Variants in FILIP1L observed in about 807,000 individuals in gnomAD.
FILIP1L encodes the protein filamin A interacting protein 1 like.
In FILIP1L, 55 loss-of-function variants were observed where a neutral mutation model predicts 96.6. That is an observed-to-expected ratio of 0.57 (90% CI 0.46 to 0.71). FILIP1L has a LOEUF of 0.71. Ranked by LOEUF, FILIP1L falls within the 30% of genes least tolerant of loss-of-function variation. The pLI is 0.00. For missense variants in FILIP1L, 1,304 were observed against 1,321.2 expected, an observed-to-expected ratio of 0.99 and a Z score of 0.20; for synonymous variants, 467 against 473.9, an observed-to-expected ratio of 0.99 and a Z score of 0.19.
At chr3:99,855,244 G>T (rs1269312272) in intron 4 of FILIP1L, among the ~76,000 whole-genome samples, 1 of 152,088 alleles carries the variant, frequency 6.6e-6, no homozygotes, top group South Asian at 2.1e-4. Flanking sequence ...ACTAAAATCT[G>T]TCCACATTTC....
At chr3:100,097,399 TTA>T (rs1347664624) in intron 1 of FILIP1L, among the ~76,000 whole-genome samples, 2 of 152,210 alleles carry the variant, frequency 1.3e-5, no homozygotes, top group Non-Finnish European at 2.9e-5. Context: ...CTGTGCTATT[TTA>T]TATCACTGAC....
intron 1 of FILIP1L, among the ~76,000 whole-genome samples, chr3:100,007,704 C>T (rs1371282254): frequency 6.6e-6 from 1 of 152,192 alleles, no homozygotes; most frequent in Non-Finnish European, 1.5e-5. Flanking sequence ...ATGGAAGCTA[C>T]AGTATCGTGT....
At chr3:100,023,500 A>C (rs752511709) in intron 1 of FILIP1L, 2 of 152,656 alleles carry the variant, frequency 1.3e-5, no homozygotes, top group Non-Finnish European at 2.9e-5. Context: ...CCGAGTCTAT[A>C]ATTTACTAAA....
chr3:100,042,853 A>G (rs1416422807), intron 1 of FILIP1L, among the ~76,000 whole-genome samples: 2 of 152,256 alleles, frequency 1.3e-5, no homozygotes, highest in African/African-American at 4.8e-5. Flanking sequence ...CAAGAAAAAA[A>G]TGGATTGAAG....
At position 99,848,840 on chromosome 3, in the gene FILIP1L, T is replaced by A; in HGVS notation, c.2836A>T (p.Ile946Leu). 3 of 1,614,152 alleles carry A rather than the reference T, an allele frequency of 1.9e-6. No individual in the cohort carries two copies. The highest frequency in any genetic ancestry group is 2.5e-6 in the Non-Finnish European group (3 of 1,180,020). ...ATGGAGGCGTTTTGGAGGATGGTTATCCTTTGCTTTGGCGTGCCACAGTTC... is the reference window on the plus strand; with the variant it reads ...ATGGAGGCGTTTTGGAGGATGGTTAACCTTTGCTTTGGCGTGCCACAGTTC... Reference protein sequence around the residue: ...IPNCGTPKQRITILQNASITP... With the variant: ...IPNCGTPKQRLTILQNASITP... The change falls in exon 5 of 6, where the codon ATA becomes TTA. Residue 946 changes from isoleucine to leucine, a missense_variant. Physicochemically the swap from Ile to Leu is conservative, Grantham distance 5 (BLOSUM62 2). Coordinates refer to ENST00000477258, the MANE Select transcript of FILIP1L (RefSeq NM_001387850.1).
chr3:99,849,596 C>G lies in FILIP1L; in HGVS notation c.2080G>C (p.Glu694Gln), dbSNP rs1186042388. Reference protein sequence around the residue: ...LAKYKLAEKTETSHEQWLFKR... With the variant: ...LAKYKLAEKTQTSHEQWLFKR... ...AAAAGCCATTGTTCATGGCTGGTCT[C>G]TGTCTTTTCTGCTAACTTGTACTTA... The change falls in exon 5 of 6, where the codon GAG (glutamate) becomes CAG (glutamine). Residue 694 changes from glutamate (E) to glutamine (Q), a missense_variant. Coordinates refer to ENST00000477258, the MANE Select transcript of FILIP1L (RefSeq NM_001387850.1). 2 of 1,613,412 alleles carry G rather than the reference C, an allele frequency of 1.2e-6. No individual in the cohort carries two copies. The highest frequency in any genetic ancestry group is 1.7e-6 in the Non-Finnish European group (2 of 1,180,010).
chr3:99,921,350 G>GA (rs1707118531), intron 4 of FILIP1L, among the ~76,000 whole-genome samples: 1 of 152,078 alleles, frequency 6.6e-6, no homozygotes, highest in Non-Finnish European at 1.5e-5. Flanking sequence ...ATACTACTTT[G>GA]ATGCACATGG....
chr3:100,088,991 A>T (rs182168248), intron 1 of FILIP1L, among the ~76,000 whole-genome samples: 6 of 152,294 alleles, frequency 3.9e-5, no homozygotes, highest in Admixed American at 3.9e-4. Flanking sequence ...CATGGTTTAC[A>T]CTCTCCAGAG....
chr3:99,872,402 T>C (rs1403363819), intron 4 of FILIP1L, among the ~76,000 whole-genome samples: 3 of 151,930 alleles, frequency 2.0e-5, no homozygotes, highest in African/African-American at 7.3e-5. Flanking sequence ...TAGTTGAATG[T>C]TTGCTGTTCT....
rs924650123 is a variant in FILIP1L, at chr3:99,830,210, C to T, written c.*204G>A. 3.4e-6 allele frequency: 1 copy of T among 292,246 alleles called. No homozygotes were observed. The highest frequency in any genetic ancestry group is 6.8e-6 in the Non-Finnish European group (1 of 146,600). 18.1% of individuals were successfully genotyped at this position (292,246 alleles called of 1,614,324 possible). A position where few individuals can be genotyped will look rare whatever the true frequency, so the allele number is the denominator to read the frequency against. On this transcript the variant is annotated 3_prime_UTR_variant, in exon 6 of 6. Transcript: ENST00000477258. ...GGGTAGATTTGGGTGTGGGTCTAGG[C>T]CTGCGAGTGTTTGTGTGTGCATATA...
intron 1 of FILIP1L, among the ~76,000 whole-genome samples, chr3:100,018,421 G>A (rs1357482600): frequency 6.6e-5 from 10 of 152,116 alleles, no homozygotes; most frequent in Admixed American, 3.3e-4. Context: ...AGCATATTTT[G>A]TAGGTGCACT....
intron 1 of FILIP1L, among the ~76,000 whole-genome samples, chr3:100,048,057 C>T (rs2065306277): frequency 6.6e-6 from 1 of 152,130 alleles, no homozygotes; most frequent in African/African-American, 2.4e-5. Context: ...GGGACTGTCC[C>T]AGGCAAGCTG....
At chr3:100,050,521 G>A in intron 1 of FILIP1L, among the ~76,000 whole-genome samples, 1 of 152,132 alleles carries the variant, frequency 6.6e-6, no homozygotes, top group South Asian at 2.1e-4. Context: ...CCCACAATTT[G>A]TTTGTTTATT....
intron 1 of FILIP1L, among the ~76,000 whole-genome samples, chr3:99,952,577 C>T (rs1385492859): frequency 6.6e-6 from 1 of 152,096 alleles, no homozygotes; most frequent in Non-Finnish European, 1.5e-5. Flanking sequence ...ACTTCTGGTG[C>T]TAGAAAACAC....
intron 1 of FILIP1L, among the ~76,000 whole-genome samples, chr3:99,935,111 C>T (rs1271795317): frequency 6.6e-6 from 1 of 152,058 alleles, no homozygotes; most frequent in Non-Finnish European, 1.5e-5. Flanking sequence ...AAAACAAAGA[C>T]ATGAATTTCA....
At chr3:100,091,572 A>G (rs781734165) in intron 1 of FILIP1L, among the ~76,000 whole-genome samples, 1 of 152,226 alleles carries the variant, frequency 6.6e-6, no homozygotes, top group Non-Finnish European at 1.5e-5. Context: ...CCAAAAGTGT[A>G]GCCATGTTCT....
chr3:100,052,452 G>A lies in FILIP1L; in HGVS notation c.-11+61601C>T, dbSNP rs569003001. Among the ~76,000 whole-genome samples, 6 of 152,302 alleles carry A rather than the reference G, an allele frequency of 3.9e-5. No individual in the cohort carries two copies. The East Asian group carries it at 1.2e-3, about 29-fold the overall frequency. On this transcript the variant is annotated intron_variant, in intron 1 of 5. Transcript: ENST00000477258. The stretch of plus-strand genomic sequence containing the variant: ...TCCGTGTGCATGTCCTATTAGAACT[G>A]AGTGCACCCAGTTGGAGGATGGGTC...
intron 1 of FILIP1L, among the ~76,000 whole-genome samples, chr3:100,021,958 TGTGAGA>T (rs780021156): frequency 2.7e-3 from 258 of 94,856 alleles, no homozygotes; most frequent in Middle Eastern, 0.01. Context: ...TGTGTGTGTG[TGTGAGA>T]GAGAGAGAGA....
chr3:99,904,486 T>C (rs1706547273), intron 4 of FILIP1L, among the ~76,000 whole-genome samples: 1 of 152,246 alleles, frequency 6.6e-6, no homozygotes, highest in Admixed American at 6.5e-5. Context: ...TATGCTTCTT[T>C]AGAATAGGAT....
Sources: gnomAD v4.1 joint callset for allele counts (sites outside exome capture counted in the v4.1 genomes callset) on GRCh38, gnomAD v4.1.1 for gene constraint, MANE v1.5 for transcripts, NCBI Gene and HGNC (gene_info 2026-07-23, HGNC 2026-07-21) for gene names.